ARHGAP32: variants seen among roughly 807,000 people sequenced by gnomAD.
The protein encoded by ARHGAP32 is rho GTPase-activating protein 32.
A neutral mutation model predicts 186.5 loss-of-function variants in ARHGAP32; 51 were observed. The ratio of observed to expected loss-of-function variants is 0.27; its 90% confidence interval spans 0.22 to 0.35. The LOEUF is 0.35. Among genes scored for constraint, ARHGAP32 ranks in the 10% least tolerant of loss-of-function variants. ARHGAP32 has a pLI of 1.00. For synonymous variants in ARHGAP32, 950 were observed against 964.3 expected (o/e 0.99, Z 0.27); for missense variants, 2,186 against 2,623.5 (o/e 0.83, Z 3.64).
intron 12 of ARHGAP32, among the ~76,000 whole-genome samples, chr11:128,998,096 A>C (rs779643687): frequency 3.3e-5 from 5 of 152,108 alleles, no homozygotes; most frequent in Admixed American, 6.6e-5. Context: ...TGAATGTCCT[A>C]CTCTTCCCGA....
At chr11:128,992,486 G>A (rs1362516756) in intron 12 of ARHGAP32, among the ~76,000 whole-genome samples, 1 of 152,012 alleles carries the variant, frequency 6.6e-6, no homozygotes, top group Non-Finnish European at 1.5e-5. Context: ...AGATAAGGAT[G>A]CCAAAGTAGG....
At chr11:128,984,461 T>C (rs932180497) in intron 15 of ARHGAP32, among the ~76,000 whole-genome samples, 17 of 152,142 alleles carry the variant, frequency 1.1e-4, no homozygotes, top group Non-Finnish European at 7.3e-5. Context: ...TAACATGGCA[T>C]ATCCAAATGA....
chr11:129,190,250 G>A (rs1944244852), intron 1 of ARHGAP32, among the ~76,000 whole-genome samples: 4 of 152,218 alleles, frequency 2.6e-5, no homozygotes, highest in African/African-American at 7.2e-5. Flanking sequence ...AGGGCATCTC[G>A]GCAGGAACAC....
chr11:129,051,535 GAAATT>G (rs1458276511), intron 10 of ARHGAP32, among the ~76,000 whole-genome samples: 1 of 152,164 alleles, frequency 6.6e-6, no homozygotes, highest in Non-Finnish European at 1.5e-5. Context: ...AAATTTTGAT[GAAATT>G]AAATTATTTT....
rs529546862 is a variant in ARHGAP32 at position 129,237,821 on chromosome 11, T to C, written c.-5+41325A>G. 1.9e-3 allele frequency among the ~76,000 whole-genome samples: 294 copies of C among 152,230 alleles called. 4 individuals carry two copies. Among genetic ancestry groups the C allele is most frequent in the African/African-American group, 7.0e-3 (289 of 41,534 alleles). On this transcript the variant is annotated intron_variant, in intron 1 of 6. Coordinates refer to the ARHGAP32 transcript ENST00000525234. ...TTGCAAAAGAGGAACATGACTCTCC[T>C]TACACTGAGAAGGATAATCTGGCTG...
chr11:128,998,667 T>C (rs941054497), intron 11 of ARHGAP32, among the ~76,000 whole-genome samples, 199 bp from the exon 12 acceptor site: 2 of 152,242 alleles, frequency 1.3e-5, no homozygotes, highest in Non-Finnish European at 1.5e-5. Context: ...ACTTTCTTTT[T>C]GTTGCAGGAA....
intron 12 of ARHGAP32, chr11:128,993,154 A>G (rs1416882835): frequency 6.6e-6 from 1 of 152,190 alleles, no homozygotes; most frequent in East Asian, 1.9e-4. Flanking sequence ...TAATAAGATA[A>G]TCTCCCTATA....
At chr11:129,141,934 T>C (rs1943062836) in intron 2 of ARHGAP32, among the ~76,000 whole-genome samples, 1 of 152,092 alleles carries the variant, frequency 6.6e-6, no homozygotes, top group Admixed American at 6.6e-5. Flanking sequence ...ACAGCAACCA[T>C]TTGCAAATGT....
At position 128,974,738 on chromosome 11, in the gene ARHGAP32, T is replaced by C. The variant is rs1945495406; in HGVS notation, c.2459A>G (p.Lys820Arg). 2 of 1,614,188 alleles carry C rather than the reference T, an allele frequency of 1.2e-6. No individual in the cohort carries two copies. Among genetic ancestry groups the C allele is most frequent in the South Asian group, 2.2e-5 (2 of 91,080 alleles). Residue 820 changes from lysine to arginine, a missense_variant, in exon 21 of 23, where the codon AAG becomes AGG. This residue lies in a region of ARHGAP32 where 263 missense variants were observed against 323.5 expected (regional missense o/e 0.81). Transcript: ENST00000682385. Reference sequence around the variant, plus strand: ...ACTCTCCAGACATTCTGATTCGGCCTTAGGAGGACTACATTGAAATGACAT... The same window carrying C: ...ACTCTCCAGACATTCTGATTCGGCCCTAGGAGGACTACATTGAAATGACAT... ...DPMSFQCSPP[K>R]AESECLESGA...
At chr11:129,008,784 G>C (rs528428837) in intron 11 of ARHGAP32, among the ~76,000 whole-genome samples, 2 of 152,310 alleles carry the variant, frequency 1.3e-5, no homozygotes, top group South Asian at 4.1e-4. Flanking sequence ...TTGTATCTGA[G>C]ATTCCTCACA....
At chr11:128,999,607 G>A (rs746356530) in intron 11 of ARHGAP32, among the ~76,000 whole-genome samples, 4 of 152,096 alleles carry the variant, frequency 2.6e-5, no homozygotes, top group African/African-American at 7.2e-5. Context: ...GGAACCTGCC[G>A]ACATGTGATG....
intron 15 of ARHGAP32, 69 bp from the exon 16 acceptor site, chr11:128,982,005 T>C (rs956708539): frequency 5.4e-5 from 54 of 1,001,812 alleles, no homozygotes; most frequent in Non-Finnish European, 7.4e-5. Flanking sequence ...AAAAGCCTGC[T>C]AATTAATTCC....
rs1275495219 is a variant in ARHGAP32, at chr11:129,192,239, G to A, written c.-41C>T. On this transcript the variant is annotated 5_prime_UTR_variant, in exon 1 of 23. Coordinates refer to ENST00000682385, the MANE Select transcript of ARHGAP32 (RefSeq NM_001378024.1). ...CAAAAAAAACTAAACCTCCAGGCAT[G>A]GAATAAAAAGCACCAACATTCAGGT... The A allele has an allele frequency of 1.4e-6, 2 of 1,409,140 alleles. No individual in the cohort carries two copies. The highest frequency in any genetic ancestry group is 2.0e-6 in the Non-Finnish European group (2 of 998,250). 87.3% of individuals were successfully genotyped at this position (1,409,140 alleles called of 1,614,324 possible). A position where few individuals can be genotyped will look rare whatever the true frequency, so the allele number is the denominator to read the frequency against.
chr11:129,152,472 T>C (rs893449535), intron 2 of ARHGAP32, among the ~76,000 whole-genome samples: 2 of 151,988 alleles, frequency 1.3e-5, no homozygotes, highest in Admixed American at 1.3e-4. Context: ...GGAACACAGA[T>C]ACAAAAATCC....
Position 128,970,104 on chromosome 11 carries a change from A to C in ARHGAP32, c.5109T>G (p.Phe1703Leu). Residue 1703 changes from phenylalanine (F) to leucine (L), a missense_variant, in exon 23 of 23, where the codon TTT (phenylalanine) becomes TTG (leucine). Physicochemically the swap from Phe to Leu is conservative, Grantham distance 22 (BLOSUM62 0). This residue lies in a region of ARHGAP32 where 1,502 missense variants were observed against 1,570.0 expected (regional missense o/e 0.96). Transcript: ENST00000682385. This position sits in a 1 kb window ranked among gnomAD's most constrained non-coding sequence, Gnocchi z 5.8. ...CTTGCAGCCTAGGATTGTAGAAAGCAAAGTCTCGATTGGGAAGGCGGTGAA... is the reference window on the plus strand; with the variant it reads ...CTTGCAGCCTAGGATTGTAGAAAGCCAAGTCTCGATTGGGAAGGCGGTGAA... ...RPLHRLPNRDFAFYNPRLQGK... is the reference protein window; with the variant it reads ...RPLHRLPNRDLAFYNPRLQGK... 2 of 1,614,210 alleles carry C rather than the reference A, an allele frequency of 1.2e-6. No individual in the cohort carries two copies. The highest frequency in any genetic ancestry group is 1.7e-6 in the Non-Finnish European group (2 of 1,180,042).
At chr11:129,025,797 A>G (rs1315051148) in intron 11 of ARHGAP32, among the ~76,000 whole-genome samples, 1 of 148,218 alleles carries the variant, frequency 6.7e-6, no homozygotes, top group African/African-American at 2.5e-5. Flanking sequence ...ACTTATAAAC[A>G]TCCATGTTTA....
chr11:128,992,831 A>G (rs968809038), intron 12 of ARHGAP32, among the ~76,000 whole-genome samples: 3 of 152,150 alleles, frequency 2.0e-5, no homozygotes, highest in African/African-American at 7.2e-5. Context: ...ATGACAAATC[A>G]GTATAATCTA....
At chr11:129,155,734 T>C (rs1323184494) in intron 2 of ARHGAP32, among the ~76,000 whole-genome samples, 1 of 148,144 alleles carries the variant, frequency 6.8e-6, no homozygotes, top group Non-Finnish European at 1.5e-5. Flanking sequence ...AATCTACTGG[T>C]GAGAATAGTT....
chr11:129,062,387 G>C (rs1249609029), intron 9 of ARHGAP32, 30 bp from the exon 10 acceptor site: 1 of 1,583,532 alleles, frequency 6.3e-7, no homozygotes, highest in Non-Finnish European at 8.7e-7. Flanking sequence ...AAGCAAAATG[G>C]TTTTAGTTAA....
Sources: allele counts gnomAD v4.1 joint callset (sites outside exome capture counted in the v4.1 genomes callset), GRCh38; gene constraint gnomAD v4.1.1; regional missense constraint gnomAD v4.1.1; non-coding constraint Gnocchi (gnomAD v3.1); transcripts MANE v1.5; gene names NCBI Gene and HGNC (gene_info 2026-07-23, HGNC 2026-07-21).